KIAA1217: variants seen among roughly 807,000 people sequenced by gnomAD.
KIAA1217 encodes the protein sickle tail protein homolog.
A neutral mutation model predicts 163.9 loss-of-function variants in KIAA1217; 88 were observed. That is an observed-to-expected ratio of 0.54 (90% confidence interval 0.45 to 0.64). The LOEUF (loss-of-function observed/expected upper bound fraction) is 0.64. Among genes scored for constraint, KIAA1217 ranks in the 30% least tolerant of loss-of-function variants. The probability of loss-of-function intolerance (pLI) is 0.00; values close to 1 mark genes in which losing one functional copy is unlikely to be tolerated. For missense variants in KIAA1217, 2,372 were observed against 2,475.0 expected (o/e 0.96, Z 0.88); for synonymous variants, 903 against 923.1 (o/e 0.98, Z 0.39).
chr10:24,392,715 T>C (rs1431327768), intron 3 of KIAA1217, among the ~76,000 whole-genome samples: 1 of 152,212 alleles, frequency 6.6e-6, no homozygotes, highest in East Asian at 1.9e-4. Context: ...TCCCCGGGAA[T>C]GACATTGGAA....
intron 1 of KIAA1217, among the ~76,000 whole-genome samples, chr10:23,939,732 T>C (rs898321877): frequency 2.0e-5 from 3 of 151,526 alleles, no homozygotes; most frequent in Non-Finnish European, 2.9e-5. Context: ...ATCAAGTATA[T>C]AGAAGACTTA....
Position 24,209,231 on chromosome 10 carries a change from T to G in KIAA1217, c.38T>G (p.Leu13Arg). 6.2e-7 allele frequency: 1 copy of G among 1,613,870 alleles called. No individual in the cohort carries two copies. Among genetic ancestry groups the G allele is most frequent in the Non-Finnish European group, 8.5e-7 (1 of 1,179,934 alleles). ...ENESQKCEPC[L>R]PYSADRRQMQ... is the part of the protein sequence containing the mutation. ...GAAAGCCAGAAATGTGAGCCGTGCC[T>G]TCCTTACTCAGCAGACAGAAGACAG... Residue 13 changes from leucine (L) to arginine (R), a missense_variant, in exon 1 of 21, where the codon CTT becomes CGT. By Grantham distance (102) the Leu-to-Arg change is moderately radical. Coordinates refer to ENST00000376454, the MANE Select transcript of KIAA1217 (RefSeq NM_019590.5).
chr10:23,701,075 A>G (rs1392662529), intron 1 of KIAA1217, among the ~76,000 whole-genome samples: 1 of 152,198 alleles, frequency 6.6e-6, no homozygotes, highest in African/African-American at 2.4e-5. Flanking sequence ...AACCATGCAC[A>G]TTGAGTGTTT....
rs183040668 is a variant in KIAA1217, at chr10:23,778,296, T to A, written c.-321+83062T>A. ...ACCAGTTGCTGGATAAAAACCGTTT[T>A]TATTTCATAATTTGAACAGTTACCA... is the stretch of plus-strand genomic sequence containing the variant. On this transcript the variant is annotated intron_variant, in intron 1 of 18. Transcript: ENST00000376462. 1.0e-3 allele frequency among the ~76,000 whole-genome samples: 159 copies of A among 152,344 alleles called. 1 individual carries two copies. The highest frequency in any genetic ancestry group is 3.4e-3 in the Middle Eastern group (1 of 294).
intron 6 of KIAA1217, among the ~76,000 whole-genome samples, chr10:24,493,325 C>T (rs964881217): frequency 3.9e-5 from 6 of 152,222 alleles, no homozygotes; most frequent in African/African-American, 1.4e-4. Flanking sequence ...CATGCAAGGA[C>T]ACTCACTCAT....
At chr10:24,386,948 A>C (rs987517657) in intron 3 of KIAA1217, among the ~76,000 whole-genome samples, 1 of 152,236 alleles carries the variant, frequency 6.6e-6, no homozygotes, top group Non-Finnish European at 1.5e-5. Context: ...ACATTTATGA[A>C]ATTTGTTTTT....
At chr10:24,025,912 T>C (rs1260109042) in intron 2 of KIAA1217, among the ~76,000 whole-genome samples, 2 of 151,854 alleles carry the variant, frequency 1.3e-5, no homozygotes, top group Non-Finnish European at 2.9e-5. Flanking sequence ...TGGTAGATTA[T>C]TTTGGATTTT....
Position 23,773,141 on chromosome 10 carries a change from T to C in KIAA1217, c.-321+77907T>C, listed in dbSNP as rs534040382. Among the ~76,000 whole-genome samples, 12 of 152,352 alleles carry C rather than the reference T, an allele frequency of 7.9e-5. No individual in the cohort carries two copies. In the East Asian group the frequency reaches 1.5e-3, roughly 20 times the overall value. The stretch of plus-strand genomic sequence containing the variant: ...TGGAGAGAGGGATATGATTGACTGA[T>C]TCATTAATGATTATCTTCATTCATC... On this transcript the variant is annotated intron_variant, in intron 1 of 18. Transcript: ENST00000376462.
intron 3 of KIAA1217, among the ~76,000 whole-genome samples, chr10:24,409,997 C>CTTTTTTTTTTTTTTTTTTTTTT (rs71397947): frequency 8.9e-5 from 11 of 123,872 alleles, no homozygotes; most frequent in East Asian, 2.3e-4. Flanking sequence ...TTTCTTTTTT[C>CTTTTTTTTTTTTTTTTTTTTTT]TTTTTTTTTT....
chr10:23,734,401 C>T (rs549994320), intron 1 of KIAA1217, among the ~76,000 whole-genome samples: 10 of 151,832 alleles, frequency 6.6e-5, no homozygotes, highest in African/African-American at 1.7e-4. Flanking sequence ...ATTCTCCTGC[C>T]TCAGCCTCCT....
At chr10:24,230,174 T>C (rs1439475204) in intron 2 of KIAA1217, among the ~76,000 whole-genome samples, 2 of 152,186 alleles carry the variant, frequency 1.3e-5, no homozygotes, top group Non-Finnish European at 2.9e-5. Flanking sequence ...TGCCATCAGC[T>C]AAAATTGCTG....
intron 1 of KIAA1217, among the ~76,000 whole-genome samples, chr10:23,824,718 G>C (rs1234987304): frequency 7.7e-6 from 1 of 130,108 alleles, no homozygotes; most frequent in East Asian, 2.3e-4. Context: ...ACAGGTAAAA[G>C]AAGGCATGTG....
At chr10:23,835,833 C>T (rs1278269987) in intron 1 of KIAA1217, among the ~76,000 whole-genome samples, 4 of 152,038 alleles carry the variant, frequency 2.6e-5, no homozygotes, top group Non-Finnish European at 4.4e-5. Context: ...ATTTCTCCTT[C>T]CTTTATGAGT....
At chr10:23,703,044 T>G (rs1237702063) in intron 1 of KIAA1217, among the ~76,000 whole-genome samples, 3 of 152,040 alleles carry the variant, frequency 2.0e-5, no homozygotes, top group Non-Finnish European at 2.9e-5. Flanking sequence ...GGCTCCTTGA[T>G]GCAAAGTGTG....
At position 23,839,799 on chromosome 10, in the gene KIAA1217, G is replaced by A. The variant is rs542501508; in HGVS notation, c.-321+144565G>A. Among the ~76,000 whole-genome samples, 3 of 152,080 alleles carry A rather than the reference G, an allele frequency of 2.0e-5. No individual in the cohort carries two copies. The East Asian group carries it at 5.8e-4, about 29-fold the overall frequency. ...AATAGATTTGTATCCCAGGATTGAT[G>A]TCCCACCACAAATCTGTCTTTGTAG... On this transcript the variant is annotated intron_variant, in intron 1 of 18. Coordinates refer to the KIAA1217 transcript ENST00000376462.
chr10:23,768,558 T>C (rs138193758), intron 1 of KIAA1217, among the ~76,000 whole-genome samples: 2 of 152,336 alleles, frequency 1.3e-5, no homozygotes, highest in East Asian at 3.9e-4. Flanking sequence ...ACTCTTAATT[T>C]TACCATTCAG....
At chr10:24,250,862 G>A (rs533593149) in intron 2 of KIAA1217, among the ~76,000 whole-genome samples, 20 of 151,208 alleles carry the variant, frequency 1.3e-4, no homozygotes, top group African/African-American at 4.9e-4. Context: ...GGTCGAGAGA[G>A]CAGATTGCTT....
At chr10:24,128,989 G>C (rs1018133187) in intron 2 of KIAA1217, among the ~76,000 whole-genome samples, 1 of 152,174 alleles carries the variant, frequency 6.6e-6, no homozygotes, top group Non-Finnish European at 1.5e-5. Context: ...AGTTTAGTCG[G>C]AGTGCATTTC....
At chr10:24,243,329 A>G (rs1358996515) in intron 2 of KIAA1217, among the ~76,000 whole-genome samples, 2 of 152,064 alleles carry the variant, frequency 1.3e-5, no homozygotes, top group Non-Finnish European at 2.9e-5. Flanking sequence ...TACATTGCCT[A>G]CTGGTGGGGA....
Sources: gnomAD v4.1 joint callset for allele counts (sites outside exome capture counted in the v4.1 genomes callset) on GRCh38, gnomAD v4.1.1 for gene constraint, MANE v1.5 for transcripts, NCBI Gene and HGNC (gene_info 2026-07-23, HGNC 2026-07-21) for gene names.